PDLIM5: variants seen among roughly 807,000 people sequenced by gnomAD.
PDLIM5 encodes PDZ and LIM domain protein 5.
PDLIM5 carries 34 observed loss-of-function variants against 64.2 expected under a neutral mutation model. The ratio of observed to expected loss-of-function variants is 0.53; its 90% CI spans 0.40 to 0.71. PDLIM5 has a LOEUF of 0.71. PDLIM5 is among the 30% of genes least tolerant of loss of function. The pLI is 0.00. For synonymous variants in PDLIM5, 253 were observed against 269.1 expected, an observed-to-expected ratio of 0.94 and a Z score of 0.59; for missense variants, 683 against 733.6, an observed-to-expected ratio of 0.93 and a Z score of 0.80.
intron 2 of PDLIM5, among the ~76,000 whole-genome samples, chr4:94,507,587 T>G (rs950362935): frequency 1.3e-5 from 2 of 152,190 alleles, no homozygotes; most frequent in Non-Finnish European, 2.9e-5. Context: ...CTCTGACTTT[T>G]AAGATTACAG....
At chr4:94,646,254 T>C (rs1741404698) in intron 9 of PDLIM5, among the ~76,000 whole-genome samples, 1 of 152,222 alleles carries the variant, frequency 6.6e-6, no homozygotes, top group Non-Finnish European at 1.5e-5. Flanking sequence ...GCATTTGGTC[T>C]TTAAAGAGGT....
At chr4:94,579,425 T>C (rs1249177041) in intron 5 of PDLIM5, 1 of 509,590 alleles carries the variant, frequency 2.0e-6, no homozygotes, top group East Asian at 3.3e-5. Flanking sequence ...AAATTTCTTC[T>C]AACAGCTCCT....
chr4:94,549,377 A>C (rs1489771502), intron 3 of PDLIM5, among the ~76,000 whole-genome samples: 1 of 152,134 alleles, frequency 6.6e-6, no homozygotes, highest in Non-Finnish European at 1.5e-5. Context: ...GGACGTCTGT[A>C]GGGTTATTCC....
intron 2 of PDLIM5, among the ~76,000 whole-genome samples, chr4:94,475,244 C>T (rs567783584): frequency 6.6e-6 from 1 of 151,854 alleles, no homozygotes; most frequent in East Asian, 2.0e-4. Context: ...TGGAGAACTA[C>T]TTTCTAAATT....
intron 2 of PDLIM5, among the ~76,000 whole-genome samples, chr4:94,519,228 G>A (rs956510867): frequency 1.3e-5 from 2 of 152,144 alleles, no homozygotes; most frequent in Admixed American, 6.5e-5. Context: ...AGTTTGAAAC[G>A]CTGTCTTCTC....
intron 8 of PDLIM5, among the ~76,000 whole-genome samples, chr4:94,633,467 A>C (rs1308959279): frequency 6.6e-6 from 1 of 152,178 alleles, no homozygotes; most frequent in African/African-American, 2.4e-5. Flanking sequence ...ATTTTGATGC[A>C]ACTCTAGGAG....
intron 2 of PDLIM5, chr4:94,456,716 A>G (rs1723405430): frequency 1.6e-6 from 2 of 1,289,334 alleles, no homozygotes; most frequent in African/African-American, 3.1e-5. Context: ...ACATACATAT[A>G]TATGTGAATA....
At position 94,665,481 on chromosome 4, in the gene PDLIM5, TAAAAAAAAAAAAAAA is replaced by T. The variant is rs10706955; in HGVS notation, c.*1425_*1439del. 8.5e-5 allele frequency: 38 copies of T among 449,616 alleles called. No homozygotes were observed. In the African/African-American group the frequency reaches 1.1e-3, roughly 14 times the overall value. 27.9% of individuals were successfully genotyped at this position (449,616 alleles called of 1,614,324 possible). Reference sequence around the variant, plus strand: ...GGTGACAGAGCAAGACTCCGGCTCTTAAAAAAAAAAAAAAAAAAAAAAAAAGAGAGAGAGAGAATA... The same window carrying T: ...GGTGACAGAGCAAGACTCCGGCTCTTAAAAAAAAAAGAGAGAGAGAGAATA... On this transcript the variant is annotated 3_prime_UTR_variant, in exon 13 of 13. Transcript: ENST00000317968.
chr4:94,480,279 C>T (rs562399088), intron 2 of PDLIM5, among the ~76,000 whole-genome samples: 1 of 152,284 alleles, frequency 6.6e-6, no homozygotes, highest in East Asian at 1.9e-4. Flanking sequence ...TCTATTGAAA[C>T]TTACCATTAA....
intron 11 of PDLIM5, among the ~76,000 whole-genome samples, chr4:94,661,820 TTC>T (rs1742742331): frequency 6.6e-6 from 1 of 151,598 alleles, no homozygotes; most frequent in South Asian, 2.1e-4. Context: ...CACAGAACAG[TTC>T]TTTTTTTTTT....
At position 94,547,970 on chromosome 4, in the gene PDLIM5, T is replaced by A. The variant is rs185959312; in HGVS notation, c.248+24095T>A. Among the ~76,000 whole-genome samples, 397 of 152,288 alleles carry A rather than the reference T, an allele frequency of 2.6e-3. 6 individuals are homozygous for A. Among genetic ancestry groups the A allele is most frequent in the South Asian group, 0.012 (59 of 4,828 alleles). On this transcript the variant is annotated intron_variant, in intron 3 of 12. Coordinates refer to ENST00000317968, the MANE Select transcript of PDLIM5 (RefSeq NM_006457.5). ...CAGTCCTATTAAGTAATCTTTTGGT[T>A]GTTTACTTTTTACCAAAAAAAGGCC...
chr4:94,457,687 A>T (rs1395968012), intron 2 of PDLIM5, among the ~76,000 whole-genome samples: 2 of 152,206 alleles, frequency 1.3e-5, no homozygotes. Context: ...TCTTTAAAAA[A>T]GTTTCATGTG....
chr4:94,497,695 A>C (rs1341570943), intron 2 of PDLIM5, among the ~76,000 whole-genome samples: 1 of 152,208 alleles, frequency 6.6e-6, no homozygotes, highest in African/African-American at 2.4e-5. Context: ...AGAATGAAAC[A>C]GCTTCATTTA....
intron 3 of PDLIM5, among the ~76,000 whole-genome samples, chr4:94,565,337 AG>A (rs1438730093): frequency 1.3e-5 from 2 of 152,236 alleles, no homozygotes; most frequent in East Asian, 3.8e-4. Context: ...GTATATATGC[AG>A]TTATATGAAT....
At chr4:94,633,441 T>C (rs2110438375) in intron 8 of PDLIM5, among the ~76,000 whole-genome samples, 1 of 152,348 alleles carries the variant, frequency 6.6e-6, no homozygotes, top group South Asian at 2.1e-4. Context: ...AACTGTCCCA[T>C]CTACTTCTTC....
At chr4:94,482,156 G>A (rs965003374) in intron 2 of PDLIM5, among the ~76,000 whole-genome samples, 3 of 149,098 alleles carry the variant, frequency 2.0e-5, no homozygotes, top group African/African-American at 7.4e-5. Flanking sequence ...ATATCATGTT[G>A]TGATTTGGGT....
chr4:94,462,311 GGT>G (rs1365788824), intron 2 of PDLIM5, among the ~76,000 whole-genome samples: 1 of 151,958 alleles, frequency 6.6e-6, no homozygotes, highest in Non-Finnish European at 1.5e-5. Context: ...ATAATCTATA[GGT>G]ATATCTCCTC....
chr4:94,612,073 C>T lies in PDLIM5; in HGVS notation c.921-5931C>T, dbSNP rs569364879. 1.8e-4 allele frequency among the ~76,000 whole-genome samples: 28 copies of T among 152,108 alleles called. No individual in the cohort carries two copies. The South Asian group carries it at 4.8e-3, about 26-fold the overall frequency. ...TCTACTAAAGATACAAAAAAATTAGCCGGGTGTGGCAGTGGGTGCCTGTAA... is the reference window on the plus strand; with the variant it reads ...TCTACTAAAGATACAAAAAAATTAGTCGGGTGTGGCAGTGGGTGCCTGTAA... On this transcript the variant is annotated intron_variant, in intron 7 of 12. Transcript: ENST00000317968.
intron 2 of PDLIM5, among the ~76,000 whole-genome samples, chr4:94,500,541 C>T (rs1356202545): frequency 6.6e-6 from 1 of 152,002 alleles, no homozygotes; most frequent in Non-Finnish European, 1.5e-5. Context: ...ACAAAGAAAG[C>T]ATGAAAAGGG....
Sources: allele counts gnomAD v4.1 joint callset (sites outside exome capture counted in the v4.1 genomes callset), GRCh38; gene constraint gnomAD v4.1.1; transcripts MANE v1.5; gene names NCBI Gene and HGNC (gene_info 2026-07-23, HGNC 2026-07-21).